PIGL: variants seen among roughly 807,000 people sequenced by gnomAD.
PIGL encodes the protein N-acetylglucosaminyl-phosphatidylinositol de-N-acetylase.
In PIGL, 22 loss-of-function variants were observed where a neutral mutation model predicts 31.1. That is an observed-to-expected ratio of 0.71 (90% CI 0.51 to 1.01). The LOEUF (loss-of-function observed/expected upper bound fraction) is 1.01. PIGL is among the 50% of genes least tolerant of loss of function. The probability of loss-of-function intolerance (pLI) is 0.00; values close to 1 mark genes in which losing one functional copy is unlikely to be tolerated. For synonymous variants in PIGL, 131 were observed against 117.4 expected (o/e 1.12, Z -0.75); for missense variants, 302 against 315.9 (o/e 0.96, Z 0.33).
Position 16,217,636 on chromosome 17 carries a change from G to T in PIGL, c.235+175G>T. 1.5e-5 allele frequency: 8 copies of T among 525,232 alleles called. No individual in the cohort carries two copies. The South Asian group carries it at 1.6e-4, about 10-fold the overall frequency. 32.5% of individuals were successfully genotyped at this position (525,232 alleles called of 1,614,324 possible). ...GACAGGAGCGGCCGGCTTACCTGGTGGGTTGGGGGACGTCGGCAGCTCGCG... is the reference window on the plus strand; with the variant it reads ...GACAGGAGCGGCCGGCTTACCTGGTTGGTTGGGGGACGTCGGCAGCTCGCG... On this transcript the variant is annotated intron_variant, in intron 1 of 6. Transcript: ENST00000225609.
At chr17:16,258,553 G>A (rs1484061189) in intron 2 of PIGL, among the ~76,000 whole-genome samples, 1 of 151,350 alleles carries the variant, frequency 6.6e-6, no homozygotes, top group Non-Finnish European at 1.5e-5. Context: ...GCCCAGGCTG[G>A]AGTGCAATGG....
intron 2 of PIGL, among the ~76,000 whole-genome samples, chr17:16,259,400 T>G (rs775458724): frequency 5.9e-5 from 9 of 151,574 alleles, no homozygotes; most frequent in East Asian, 1.9e-4. Flanking sequence ...TGATGGAACA[T>G]CCACATGCAA....
intron 3 of PIGL, among the ~76,000 whole-genome samples, chr17:16,306,012 G>A (rs545329624): frequency 6.6e-6 from 1 of 152,142 alleles, no homozygotes; most frequent in Admixed American, 6.5e-5. Flanking sequence ...ACAGTGGCAC[G>A]ATCTCGGCTG....
At chr17:16,240,583 G>A (rs2092718411) in intron 2 of PIGL, among the ~76,000 whole-genome samples, 1 of 151,932 alleles carries the variant, frequency 6.6e-6, no homozygotes. Flanking sequence ...GCTCACTGCA[G>A]CCTAACTCCC....
chr17:16,288,939 T>A (rs933906902), intron 2 of PIGL, among the ~76,000 whole-genome samples: 1 of 152,258 alleles, frequency 6.6e-6, no homozygotes, highest in Non-Finnish European at 1.5e-5. Flanking sequence ...TCTCTTTTGC[T>A]GGCTTCTTAT....
intron 2 of PIGL, among the ~76,000 whole-genome samples, chr17:16,257,040 G>T (rs546009694): frequency 4.6e-5 from 7 of 152,054 alleles, no homozygotes; most frequent in Non-Finnish European, 8.8e-5. Context: ...AGTCGAGGCC[G>T]CAATGAGCCA....
At chr17:16,264,553 A>C (rs1438277174) in intron 2 of PIGL, among the ~76,000 whole-genome samples, 1 of 151,992 alleles carries the variant, frequency 6.6e-6, no homozygotes, top group Non-Finnish European at 1.5e-5. Context: ...AGTTTTGTGT[A>C]TGCCATGTAA....
Position 16,326,013 on chromosome 17 carries a change from C to A in PIGL, c.*115C>A. The stretch of plus-strand genomic sequence containing the variant: ...GAGCTCAAGGAGATCCCCGCTGGAG[C>A]AGCCTCTGCAAAAGGGAGCCCATGT... On this transcript the variant is annotated 3_prime_UTR_variant, in exon 7 of 7. Coordinates refer to ENST00000225609, the MANE Select transcript of PIGL (RefSeq NM_004278.4). The A allele has an allele frequency of 1.4e-6, 1 of 726,022 alleles. No homozygotes were observed. 45.0% of individuals were successfully genotyped at this position (726,022 alleles called of 1,614,324 possible).
chr17:16,257,501 T>C (rs188447203), intron 2 of PIGL, among the ~76,000 whole-genome samples: 6 of 152,208 alleles, frequency 3.9e-5, no homozygotes, highest in Non-Finnish European at 8.8e-5. Flanking sequence ...AGGCTCAATT[T>C]TGAGGGAATT....
chr17:16,291,506 CAA>C (rs71150287), intron 2 of PIGL, among the ~76,000 whole-genome samples: 1,704 of 99,704 alleles, frequency 0.017, 9 homozygotes, highest in Non-Finnish European at 0.023. Flanking sequence ...GACTCTGGCT[CAA>C]AAAAAAAAAA....
chr17:16,289,801 A>G (rs1432460230), intron 2 of PIGL, among the ~76,000 whole-genome samples: 1 of 152,108 alleles, frequency 6.6e-6, no homozygotes, highest in Non-Finnish European at 1.5e-5. Flanking sequence ...TTAAAGACAG[A>G]GTTTCGCTCT....
intron 3 of PIGL, among the ~76,000 whole-genome samples, chr17:16,310,793 C>T (rs918036268): frequency 6.6e-6 from 1 of 152,204 alleles, no homozygotes; most frequent in Non-Finnish European, 1.5e-5. Context: ...CCTCAGTCTC[C>T]CAAAGGTCTT....
intron 2 of PIGL, among the ~76,000 whole-genome samples, chr17:16,241,027 T>C (rs2092720699): frequency 7.1e-6 from 1 of 141,356 alleles, no homozygotes. Flanking sequence ...GGCAGGAGAA[T>C]GGCTTGAACC....
chr17:16,274,748 T>G (rs1600810418), intron 2 of PIGL, among the ~76,000 whole-genome samples: 2 of 133,206 alleles, frequency 1.5e-5, no homozygotes, highest in Admixed American at 7.8e-5. Context: ...AGTAAAGGGA[T>G]AGGCCGGGCA....
intron 6 of PIGL, among the ~76,000 whole-genome samples, chr17:16,325,009 T>C (rs141975596): frequency 6.6e-6 from 1 of 152,196 alleles, no homozygotes; most frequent in East Asian, 1.9e-4. Flanking sequence ...AACATCCCTG[T>C]TTGTGTTGTA....
At chr17:16,266,417 A>T (rs2142759793) in intron 2 of PIGL, among the ~76,000 whole-genome samples, 2 of 149,012 alleles carry the variant, frequency 1.3e-5, no homozygotes, top group African/African-American at 2.5e-5. Flanking sequence ...AAGAATGAAT[A>T]TCTTCTATTA....
At chr17:16,310,927 G>C (rs1322198248) in intron 3 of PIGL, among the ~76,000 whole-genome samples, 1 of 152,192 alleles carries the variant, frequency 6.6e-6, no homozygotes, top group East Asian at 1.9e-4. Flanking sequence ...CAGTGGCAAG[G>C]TGATCACAGC....
At chr17:16,221,511 G>A (rs1157157961) in intron 1 of PIGL, among the ~76,000 whole-genome samples, 1 of 150,088 alleles carries the variant, frequency 6.7e-6, no homozygotes, top group Non-Finnish European at 1.5e-5. Flanking sequence ...GTGCAATGGC[G>A]CAATCTTGGG....
At chr17:16,256,360 C>T (rs924644634) in intron 2 of PIGL, among the ~76,000 whole-genome samples, 2 of 148,624 alleles carry the variant, frequency 1.3e-5, no homozygotes, top group African/African-American at 2.6e-5. Flanking sequence ...TTGTTTGAGA[C>T]GGAGTCTCAC....
Sources: allele counts gnomAD v4.1 joint callset (sites outside exome capture counted in the v4.1 genomes callset), GRCh38; gene constraint gnomAD v4.1.1; transcripts MANE v1.5; gene names NCBI Gene and HGNC (gene_info 2026-07-23, HGNC 2026-07-21).